Variants in EEFSEC observed in about 807,000 individuals in gnomAD.
The protein encoded by EEFSEC is eukaryotic elongation factor, selenocysteine-tRNA specific, also known as selenocysteine-specific elongation factor.
EEFSEC carries 43 observed loss-of-function variants against 42.1 expected under a neutral mutation model. That is an observed-to-expected ratio of 1.02 (90% CI 0.80 to 1.32). The LOEUF (loss-of-function observed/expected upper bound fraction) is 1.32. EEFSEC is among the 40% of genes most tolerant of loss of function. The pLI, the probability that EEFSEC is intolerant of heterozygous loss-of-function variation, is 0.00. For missense variants in EEFSEC, 745 were observed against 803.6 expected (o/e 0.93, Z 0.88); for synonymous variants, 354 against 339.1 (o/e 1.04, Z -0.48).
intron 1 of EEFSEC, among the ~76,000 whole-genome samples, chr3:128,165,304 A>T (rs781027602): frequency 5.3e-5 from 8 of 152,258 alleles, no homozygotes; most frequent in Non-Finnish European, 7.3e-5. Context: ...ACCTTAGCAC[A>T]TGCCTGCTTC....
chr3:128,205,571 TTGTC>T (rs754837636), intron 1 of EEFSEC, among the ~76,000 whole-genome samples: 1 of 152,266 alleles, frequency 6.6e-6, no homozygotes, highest in South Asian at 2.1e-4. Flanking sequence ...CAGGCAATGT[TTGTC>T]TGTAAGAATC....
intron 1 of EEFSEC, among the ~76,000 whole-genome samples, chr3:128,208,281 C>CT (rs1254144036): frequency 6.6e-6 from 1 of 152,218 alleles, no homozygotes; most frequent in Non-Finnish European, 1.5e-5. Flanking sequence ...GGATTTCACT[C>CT]TAACAGGCAC....
chr3:128,402,466 G>A (rs555171627), intron 6 of EEFSEC, among the ~76,000 whole-genome samples: 147 of 152,182 alleles, frequency 9.7e-4, no homozygotes, highest in Non-Finnish European at 1.7e-3. Context: ...TCTCAAAAAC[G>A]TGCCGCTCCC....
chr3:128,415,000 TCTG>T, the EEFSEC span, among the ~76,000 whole-genome samples: 2 of 152,182 alleles, frequency 1.3e-5, no homozygotes, highest in Middle Eastern at 3.2e-3. Flanking sequence ...CTGGCCAGCC[TCTG>T]CCCAGAGTTG....
intron 6 of EEFSEC, among the ~76,000 whole-genome samples, chr3:128,373,142 C>T (rs1189852513): frequency 1.3e-5 from 2 of 152,154 alleles, no homozygotes; most frequent in African/African-American, 4.8e-5. Context: ...TGCACGAGGT[C>T]GCACAGCTGA....
At chr3:128,284,848 C>T (rs897455201) in intron 4 of EEFSEC, among the ~76,000 whole-genome samples, 2 of 152,104 alleles carry the variant, frequency 1.3e-5, no homozygotes, top group African/African-American at 2.4e-5. Flanking sequence ...CTGCACTGCA[C>T]TCCTGTGCTT....
At chr3:128,253,470 C>T (rs2066209252) in intron 2 of EEFSEC, among the ~76,000 whole-genome samples, 1 of 152,198 alleles carries the variant, frequency 6.6e-6, no homozygotes, top group African/African-American at 2.4e-5. Flanking sequence ...GGTACCTGAA[C>T]CCCTGCCCAT....
chr3:128,255,246 AT>A (rs2066229671), intron 2 of EEFSEC, among the ~76,000 whole-genome samples: 1 of 152,074 alleles, frequency 6.6e-6, no homozygotes, highest in African/African-American at 2.4e-5. Context: ...CGCATGAGTG[AT>A]GAAGAAGGGC....
At chr3:128,403,970 TCAC>T (rs1007262348) in intron 6 of EEFSEC, among the ~76,000 whole-genome samples, 17 of 152,246 alleles carry the variant, frequency 1.1e-4, no homozygotes, top group Non-Finnish European at 2.4e-4. Flanking sequence ...GTCTGTGCAT[TCAC>T]CACTATTTAT....
At chr3:128,247,949 G>T (rs978381368) in intron 2 of EEFSEC, among the ~76,000 whole-genome samples, 1 of 152,168 alleles carries the variant, frequency 6.6e-6, no homozygotes, top group East Asian at 1.9e-4. Flanking sequence ...GAAGCAATTC[G>T]CCTGGATCAC....
intron 6 of EEFSEC, among the ~76,000 whole-genome samples, chr3:128,391,422 C>T (rs897251447): frequency 3.3e-5 from 5 of 152,202 alleles, no homozygotes; most frequent in Admixed American, 2.6e-4. Flanking sequence ...TTTCCAACCT[C>T]GAGGTTCTGG....
chr3:128,400,811 C>T (rs559601588), intron 6 of EEFSEC, among the ~76,000 whole-genome samples: 22 of 152,330 alleles, frequency 1.4e-4, no homozygotes, highest in African/African-American at 5.3e-4. Flanking sequence ...TTGTGCTTCC[C>T]GCATTCTTCC....
At chr3:128,342,339 C>T (rs2067265586) in intron 5 of EEFSEC, among the ~76,000 whole-genome samples, 1 of 152,246 alleles carries the variant, frequency 6.6e-6, no homozygotes, top group African/African-American at 2.4e-5. Context: ...CCCCTGCAAG[C>T]TGCTTATGTC....
rs957759092 is a variant in EEFSEC, at chr3:128,179,657, T to G, written c.316+25834T>G. Among the ~76,000 whole-genome samples the G allele has an allele frequency of 3.3e-5, 5 of 152,222 alleles. No individual in the cohort carries two copies. The South Asian group carries it at 1.0e-3, about 31-fold the overall frequency. ...TGCAGCTTGTCCCTCAGAGATGCAG[T>G]AGTGGCTTGGGCCGGCAGACGGGCT... On this transcript the variant is annotated intron_variant, in intron 1 of 6. Transcript: ENST00000254730.
intron 1 of EEFSEC, among the ~76,000 whole-genome samples, chr3:128,237,952 A>G (rs532710701): frequency 4.0e-4 from 61 of 152,286 alleles, no homozygotes; most frequent in African/African-American, 1.4e-3. Flanking sequence ...GGGTTCCCAG[A>G]GCACTCAGGA....
At chr3:128,308,016 T>A (rs572433062) in intron 4 of EEFSEC, among the ~76,000 whole-genome samples, 7 of 152,386 alleles carry the variant, frequency 4.6e-5, no homozygotes, top group African/African-American at 1.7e-4. Flanking sequence ...GTGCCCATCT[T>A]GTCAGTTGAA....
At chr3:128,252,081 C>G (rs1406630550) in intron 2 of EEFSEC, among the ~76,000 whole-genome samples, 2 of 152,188 alleles carry the variant, frequency 1.3e-5, no homozygotes, top group African/African-American at 4.8e-5. Flanking sequence ...CTGACAGCAT[C>G]CTTGATACAT....
At chr3:128,307,419 A>G (rs1218839520) in intron 4 of EEFSEC, among the ~76,000 whole-genome samples, 1 of 152,190 alleles carries the variant, frequency 6.6e-6, no homozygotes, top group Non-Finnish European at 1.5e-5. Flanking sequence ...ATGTCTAGGT[A>G]TCAGTGAGGA....
chr3:128,182,372 T>C (rs890755462), intron 1 of EEFSEC, among the ~76,000 whole-genome samples: 2 of 152,020 alleles, frequency 1.3e-5, no homozygotes, highest in Admixed American at 1.3e-4. Context: ...TAAAAAAGTA[T>C]TACATTTTGG....
Sources: allele counts gnomAD v4.1 joint callset (sites outside exome capture counted in the v4.1 genomes callset), GRCh38; gene constraint gnomAD v4.1.1; transcripts MANE v1.5; gene names NCBI Gene and HGNC (gene_info 2026-07-23, HGNC 2026-07-21).